CNGA1: variants seen among roughly 807,000 people sequenced by gnomAD.
CNGA1 encodes cyclic nucleotide-gated channel alpha-1.
A neutral mutation model predicts 69.7 loss-of-function variants in CNGA1; 53 were observed. The observed-to-expected ratio is 0.76, with a 90% CI of 0.61 to 0.96. The LOEUF is 0.96. Among genes scored for constraint, CNGA1 ranks in the 40% least tolerant of loss-of-function variants. The pLI, the probability that CNGA1 is intolerant of heterozygous loss-of-function variation, is 0.00. For missense variants in CNGA1, 739 were observed against 811.2 expected (o/e 0.91, Z 1.08); for synonymous variants, 249 against 283.5 (o/e 0.88, Z 1.22).
intron 1 of CNGA1, among the ~76,000 whole-genome samples, chr4:48,015,019 AT>A (rs948112870): frequency 2.6e-5 from 4 of 151,940 alleles, no homozygotes; most frequent in African/African-American, 9.7e-5. Flanking sequence ...AAAAAAAAAA[AT>A]ACAAAAAATT....
intron 6 of CNGA1, among the ~76,000 whole-genome samples, chr4:47,946,634 A>G (rs1442005798): frequency 6.6e-6 from 1 of 152,260 alleles, no homozygotes; most frequent in Non-Finnish European, 1.5e-5. Context: ...AATGCCCATT[A>G]TGAGATGGAT....
In CNGA1 at chr4:47,949,862, A is replaced by G. The variant is rs2110154683; in HGVS notation, c.258T>C (p.Phe86=). ...EQYLPGAIAL[F]NVNNSSNKDQ... Reference sequence around the variant, plus strand: ...CCTTATTGCTGCTGTTGTTCACATTAAAAAGTGCAATGGCACCAGGCAGGT... The same window carrying G: ...CCTTATTGCTGCTGTTGTTCACATTGAAAAGTGCAATGGCACCAGGCAGGT... The change falls in exon 6 of 11, where the codon TTT becomes TTC. Residue 86 remains phenylalanine, a synonymous_variant. Transcript: ENST00000514170. The G allele has an allele frequency of 6.2e-7, 1 of 1,614,106 alleles. No homozygotes were observed. The highest frequency in any genetic ancestry group is 1.7e-5 in the Admixed American group (1 of 60,026).
rs1323160461 is a variant in CNGA1 at position 48,016,465 on chromosome 4, C to T, written c.-223+18G>A. 1.3e-5 allele frequency: 4 copies of T among 300,138 alleles called. No homozygotes were observed. The East Asian group carries it at 3.3e-4, about 24-fold the overall frequency. The allele number at this position is 300,138 out of a possible 1,614,324, so 18.6% of individuals were successfully genotyped here. ...GGGCCTCAGTGCAGCCTCCACTCCA[C>T]TCAATTCCCGGAGTTACCTTGGCGG... is the stretch of plus-strand genomic sequence containing the variant. On this transcript the variant is annotated intron_variant, in intron 1 of 10. Transcript: ENST00000514170.
intron 2 of CNGA1, among the ~76,000 whole-genome samples, chr4:48,009,359 C>T (rs1041693431): frequency 6.6e-6 from 1 of 150,448 alleles, no homozygotes; most frequent in Non-Finnish European, 1.5e-5. Context: ...CCAGCTACTC[C>T]GAAGCTGAGG....
chr4:47,997,598 T>C (rs1407358813), intron 2 of CNGA1, among the ~76,000 whole-genome samples: 1 of 152,158 alleles, frequency 6.6e-6, no homozygotes, highest in Non-Finnish European at 1.5e-5. Flanking sequence ...GTATTATATA[T>C]AATTTACTTT....
intron 3 of CNGA1, chr4:47,971,222 A>C: frequency 3.2e-6 from 1 of 314,344 alleles, no homozygotes; most frequent in Non-Finnish European, 6.3e-6. Context: ...AGTGGTGAGA[A>C]TCTCTCTGGA....
intron 4 of CNGA1, 105 bp downstream of exon 4, chr4:47,952,478 C>A: frequency 8.3e-7 from 1 of 1,205,336 alleles, no homozygotes; most frequent in East Asian, 2.6e-5. Context: ...AAATACATTA[C>A]AAAGTTCAAG....
chr4:47,941,054 C>T (rs2110137595), intron 9 of CNGA1, among the ~76,000 whole-genome samples, 185 bp from the exon 10 acceptor site: 1 of 152,304 alleles, frequency 6.6e-6, no homozygotes, highest in South Asian at 2.1e-4. Flanking sequence ...GGATTTCGAT[C>T]CTCACACTTC....
At chr4:47,978,374 C>T (rs1741526594) in intron 3 of CNGA1, among the ~76,000 whole-genome samples, 1 of 151,778 alleles carries the variant, frequency 6.6e-6, no homozygotes, top group South Asian at 2.1e-4. Flanking sequence ...TAAAATTTAC[C>T]TTGTATGTCT....
intron 2 of CNGA1, among the ~76,000 whole-genome samples, chr4:48,003,828 C>T (rs940282763): frequency 7.9e-5 from 12 of 152,126 alleles, no homozygotes; most frequent in East Asian, 3.9e-4. Context: ...CCAAGTGGAC[C>T]GTGGTCTAGT....
At position 47,940,781 on chromosome 4, in the gene CNGA1, A is replaced by G; in HGVS notation, c.634T>C (p.Phe212Leu). The change falls in exon 10 of 11, where the codon TTT becomes CTT. Residue 212 changes from phenylalanine to leucine, a missense_variant. Physicochemically the swap from Phe to Leu is conservative, Grantham distance 22. Transcript: ENST00000514170. ...VSDIVYLIDM[F>L]VRTRTGYLEQ... ...TATTTACCTGTCCTTGTTCGTACAA[A>G]CATATCGATTAAATAGACTATGTCT... The G allele has an allele frequency of 1.2e-6, 2 of 1,603,346 alleles. No homozygotes were observed. The highest frequency in any genetic ancestry group is 4.5e-5 in the East Asian group (2 of 44,788).
chr4:47,944,943 T>C (rs1739303641), intron 6 of CNGA1, among the ~76,000 whole-genome samples: 1 of 152,192 alleles, frequency 6.6e-6, no homozygotes, highest in Non-Finnish European at 1.5e-5. Flanking sequence ...AGGAGGTTAA[T>C]AGAATATAGT....
intron 2 of CNGA1, among the ~76,000 whole-genome samples, chr4:47,999,179 T>G (rs767912150): frequency 1.3e-5 from 2 of 152,250 alleles, no homozygotes; most frequent in Non-Finnish European, 2.9e-5. Context: ...ATTGTTCAAT[T>G]TTATTATCAG....
chr4:47,950,013 A>C, intron 5 of CNGA1, 118 bp from the exon 6 acceptor site: 1 of 789,168 alleles, frequency 1.3e-6, no homozygotes, highest in African/African-American at 1.7e-5. Flanking sequence ...ACTAAAGACT[A>C]TGTAGATGAT....
intron 1 of CNGA1, 33 bp downstream of exon 1, chr4:48,016,450 G>GGT: frequency 7.7e-6 from 2 of 260,180 alleles, no homozygotes; most frequent in Non-Finnish European, 1.5e-5. Context: ...GGGCCTCAGT[G>GGT]CAGCCTCCAC....
At chr4:47,948,372 G>A (rs1164585530) in intron 6 of CNGA1, among the ~76,000 whole-genome samples, 2 of 152,132 alleles carry the variant, frequency 1.3e-5, no homozygotes, top group African/African-American at 2.4e-5. Context: ...CTGTATATAT[G>A]CTAAAACAAT....
At chr4:47,979,378 A>G (rs1741583713) in intron 3 of CNGA1, among the ~76,000 whole-genome samples, 1 of 151,956 alleles carries the variant, frequency 6.6e-6, no homozygotes, top group Non-Finnish European at 1.5e-5. Flanking sequence ...GGGAAAGGAC[A>G]TTATATTTCT....
intron 2 of CNGA1, among the ~76,000 whole-genome samples, chr4:47,982,250 T>C (rs1741749880): frequency 6.6e-6 from 1 of 152,246 alleles, no homozygotes; most frequent in South Asian, 2.1e-4. Context: ...CAAAACTGCC[T>C]TTATTTCCAT....
chr4:47,973,066 C>CTTTTTT (rs3058684), intron 3 of CNGA1, among the ~76,000 whole-genome samples: 2 of 120,240 alleles, frequency 1.7e-5, no homozygotes, highest in Non-Finnish European at 3.3e-5. Context: ...AAAGCACCAT[C>CTTTTTT]TTTTTTTTTT....
Sources: allele counts gnomAD v4.1 joint callset (sites outside exome capture counted in the v4.1 genomes callset), GRCh38; gene constraint gnomAD v4.1.1; transcripts MANE v1.5; gene names NCBI Gene and HGNC (gene_info 2026-07-23, HGNC 2026-07-21).